Variants in DYNC1I1 observed in about 807,000 individuals in gnomAD.
DYNC1I1 encodes cytoplasmic dynein 1 intermediate chain 1.
Under a neutral mutation model 86.6 loss-of-function variants are expected in DYNC1I1, and 43 were observed. The observed-to-expected ratio is 0.50, with a 90% CI of 0.39 to 0.64. The LOEUF is 0.64. DYNC1I1 is among the 30% of genes least tolerant of loss of function. The probability of loss-of-function intolerance (pLI) is 0.00; values close to 1 mark genes in which losing one functional copy is unlikely to be tolerated. For synonymous variants in DYNC1I1, 262 were observed against 283.7 expected, an observed-to-expected ratio of 0.92 and a Z score of 0.77; for missense variants, 604 against 788.8, an observed-to-expected ratio of 0.77 and a Z score of 2.81.
intron 14 of DYNC1I1, among the ~76,000 whole-genome samples, chr7:96,055,511 C>T (rs1443351914): frequency 6.6e-6 from 1 of 152,074 alleles, no homozygotes; most frequent in Non-Finnish European, 1.5e-5. Context: ...GAATAATCTT[C>T]CAATATGTTT....
At chr7:95,915,143 A>G (rs1791435895) in intron 6 of DYNC1I1, among the ~76,000 whole-genome samples, 1 of 152,244 alleles carries the variant, frequency 6.6e-6, no homozygotes, top group African/African-American at 2.4e-5. Context: ...CCTAATTCAG[A>G]AAGCGTGACA....
intron 5 of DYNC1I1, among the ~76,000 whole-genome samples, chr7:95,859,350 AC>A (rs1394983248): frequency 6.6e-6 from 1 of 151,592 alleles, no homozygotes; most frequent in Non-Finnish European, 1.5e-5. Context: ...CATTATTTTG[AC>A]CCTTTGGGAA....
intron 9 of DYNC1I1, among the ~76,000 whole-genome samples, chr7:95,993,640 C>T (rs1793785072): frequency 6.6e-6 from 1 of 152,166 alleles, no homozygotes; most frequent in Admixed American, 6.5e-5. Context: ...ATTACTTCCC[C>T]TGGTGGCCAC....
At chr7:96,052,510 C>T (rs1453117074) in intron 14 of DYNC1I1, among the ~76,000 whole-genome samples, 1 of 152,128 alleles carries the variant, frequency 6.6e-6, no homozygotes, top group African/African-American at 2.4e-5. Flanking sequence ...GATTAAAATA[C>T]CTCCTATTTC....
intron 10 of DYNC1I1, among the ~76,000 whole-genome samples, chr7:96,015,711 T>C (rs1354536287): frequency 6.6e-6 from 1 of 152,054 alleles, no homozygotes; most frequent in African/African-American, 2.4e-5. Flanking sequence ...CAAGGACACA[T>C]TTCTGGTATT....
intron 6 of DYNC1I1, among the ~76,000 whole-genome samples, chr7:95,923,873 C>A (rs1047032100): frequency 2.6e-5 from 4 of 152,108 alleles, no homozygotes; most frequent in Admixed American, 1.3e-4. Flanking sequence ...AAATTCAGGT[C>A]CTGCATAACA....
intron 6 of DYNC1I1, among the ~76,000 whole-genome samples, chr7:95,944,921 C>A: frequency 6.7e-6 from 1 of 148,300 alleles, no homozygotes. Flanking sequence ...ATACCTAATG[C>A]TAAATGACGA....
chr7:95,903,781 G>A (rs2116317845), intron 6 of DYNC1I1, among the ~76,000 whole-genome samples: 1 of 152,306 alleles, frequency 6.6e-6, no homozygotes, highest in East Asian at 1.9e-4. Context: ...TACAGAGGTT[G>A]TGGAGCTGTG....
chr7:96,036,954 A>G (rs1794940579), intron 13 of DYNC1I1, among the ~76,000 whole-genome samples: 1 of 152,204 alleles, frequency 6.6e-6, no homozygotes, highest in Non-Finnish European at 1.5e-5. Context: ...TTACTTTAGT[A>G]GTTCTTATTC....
At chr7:95,821,641 A>C (rs1204628624) in intron 4 of DYNC1I1, among the ~76,000 whole-genome samples, 2 of 152,146 alleles carry the variant, frequency 1.3e-5, no homozygotes, top group Non-Finnish European at 1.5e-5. Context: ...GGATTTGATG[A>C]TTTGGAGGTG....
intron 16 of DYNC1I1, among the ~76,000 whole-genome samples, chr7:96,084,437 CTTTT>C (rs1415840705): frequency 8.4e-6 from 1 of 118,998 alleles, no homozygotes. Flanking sequence ...CTTTTTTTTT[CTTTT>C]CTTTTTTTTT....
chr7:95,873,418 G>A (rs940333275), intron 6 of DYNC1I1, among the ~76,000 whole-genome samples: 4 of 152,154 alleles, frequency 2.6e-5, no homozygotes, highest in Non-Finnish European at 5.9e-5. Context: ...AGGTGCAAAT[G>A]TTGAACATGT....
intron 16 of DYNC1I1, among the ~76,000 whole-genome samples, chr7:96,090,972 T>C (rs1477692319): frequency 6.6e-6 from 1 of 152,216 alleles, no homozygotes; most frequent in African/African-American, 2.4e-5. Flanking sequence ...TGTATTTATG[T>C]GAAGCGGGTA....
At chr7:95,983,555 G>A (rs1010856141) in intron 7 of DYNC1I1, among the ~76,000 whole-genome samples, 1 of 152,114 alleles carries the variant, frequency 6.6e-6, no homozygotes, top group Admixed American at 6.6e-5. Flanking sequence ...ACGAACATTG[G>A]ATCCACTGCC....
chr7:95,823,653 C>T (rs1055019260), intron 4 of DYNC1I1, among the ~76,000 whole-genome samples: 6 of 151,974 alleles, frequency 3.9e-5, no homozygotes, highest in African/African-American at 1.5e-4. Context: ...TCAGCATCAC[C>T]TACTCTAGTC....
intron 6 of DYNC1I1, among the ~76,000 whole-genome samples, chr7:95,970,395 T>C (rs1393308277): frequency 1.3e-5 from 2 of 152,150 alleles, no homozygotes; most frequent in Non-Finnish European, 2.9e-5. Flanking sequence ...AAACCTCCAG[T>C]TTCTCTGCAG....
At chr7:96,009,634 A>G (rs766774242) in intron 10 of DYNC1I1, among the ~76,000 whole-genome samples, 1 of 152,210 alleles carries the variant, frequency 6.6e-6, no homozygotes, top group African/African-American at 2.4e-5. Context: ...CCCTTTTGCA[A>G]ATAGAGCTCT....
chr7:96,033,922 A>T (rs1314839381), intron 12 of DYNC1I1, among the ~76,000 whole-genome samples: 2 of 152,058 alleles, frequency 1.3e-5, no homozygotes. Flanking sequence ...AGGCAGGAGG[A>T]TTGCTTAAGC....
At chr7:96,087,005 A>C (rs573328831) in intron 16 of DYNC1I1, among the ~76,000 whole-genome samples, 2 of 152,218 alleles carry the variant, frequency 1.3e-5, no homozygotes, top group Non-Finnish European at 2.9e-5. Context: ...AGTTTGATGT[A>C]GTGGCATGTG....
Sources: gnomAD v4.1 joint callset for allele counts (sites outside exome capture counted in the v4.1 genomes callset) on GRCh38, gnomAD v4.1.1 for gene constraint, MANE v1.5 for transcripts, NCBI Gene and HGNC (gene_info 2026-07-23, HGNC 2026-07-21) for gene names.